XKR6: variants seen among roughly 807,000 people sequenced by gnomAD.
XKR6 encodes the protein XK-related protein 6.
XKR6 carries 22 observed loss-of-function variants against 56.7 expected under a neutral mutation model. The ratio of observed to expected loss-of-function variants is 0.39; its 90% CI spans 0.28 to 0.55. XKR6 has a LOEUF of 0.55. XKR6 is among the 20% of genes least tolerant of loss of function. XKR6 has a pLI of 0.66. For missense variants in XKR6, 852 were observed against 889.0 expected (o/e 0.96, Z 0.53); for synonymous variants, 524 against 387.8 (o/e 1.35, Z -4.13).
In XKR6 at chr8:11,200,709, A is replaced by T. The variant is rs1434677122; in HGVS notation, c.631T>A (p.Tyr211Asn). 6.3e-7 allele frequency: 1 copy of T among 1,586,100 alleles called. No individual in the cohort carries two copies. Among genetic ancestry groups the T allele is most frequent in the Non-Finnish European group, 8.5e-7 (1 of 1,171,264 alleles). ...SRGPPMMGAG[Y>N]VHGAARGGPG... ...CCACCGCGGGCCGCGCCGTGGACGT[A>T]GCCGGCCCCCATCATGGGGGGGCCC... The change falls in exon 1 of 3, where the codon TAC (tyrosine) becomes AAC (asparagine). Residue 211 changes from tyrosine to asparagine, a missense_variant. Coordinates refer to ENST00000416569, the MANE Select transcript of XKR6 (RefSeq NM_173683.4). This position sits in a 1 kb window ranked among gnomAD's most constrained non-coding sequence, Gnocchi z 6.4.
At chr8:11,047,184 C>G (rs1799431688) in intron 1 of XKR6, among the ~76,000 whole-genome samples, 1 of 152,114 alleles carries the variant, frequency 6.6e-6, no homozygotes, top group Non-Finnish European at 1.5e-5. Context: ...CGAGGGGAAG[C>G]TACACTAATT....
chr8:11,060,581 G>C (rs1043053492), intron 1 of XKR6, among the ~76,000 whole-genome samples: 1 of 152,178 alleles, frequency 6.6e-6, no homozygotes, highest in Non-Finnish European at 1.5e-5. Context: ...GCATACAAGG[G>C]ACTAAGAGGT....
At chr8:11,058,053 C>A (rs1799730891) in intron 1 of XKR6, among the ~76,000 whole-genome samples, 1 of 152,178 alleles carries the variant, frequency 6.6e-6, no homozygotes, top group South Asian at 2.1e-4. Context: ...TATTTTAGTC[C>A]CAGGATCTAT....
chr8:11,075,305 T>C (rs1280888915), intron 1 of XKR6, among the ~76,000 whole-genome samples: 1 of 152,326 alleles, frequency 6.6e-6, no homozygotes, highest in Admixed American at 6.5e-5. Context: ...CTTTGCTCAC[T>C]CTGCCCTCCG....
At chr8:10,903,439 G>A (rs777589284) in intron 2 of XKR6, among the ~76,000 whole-genome samples, 1 of 152,140 alleles carries the variant, frequency 6.6e-6, no homozygotes, top group African/African-American at 2.4e-5. Flanking sequence ...AACTTGGCAG[G>A]ATTCACTGAG....
chr8:11,030,899 G>T (rs921981416), intron 1 of XKR6, among the ~76,000 whole-genome samples: 3 of 152,150 alleles, frequency 2.0e-5, no homozygotes, highest in African/African-American at 4.8e-5. Context: ...AATAAATGTG[G>T]TATTTGTTAC....
chr8:11,189,399 T>A (rs1371139479), intron 1 of XKR6, among the ~76,000 whole-genome samples: 1 of 152,256 alleles, frequency 6.6e-6, no homozygotes, highest in Non-Finnish European at 1.5e-5. Context: ...ATGTTAAATG[T>A]CTTTCCTGCA....
chr8:10,898,717 C>T lies in XKR6; in HGVS notation c.1161G>A (p.Gly387=). 1 of 1,614,042 alleles carries T rather than the reference C, an allele frequency of 6.2e-7. No individual in the cohort carries two copies. Among genetic ancestry groups the T allele is most frequent in the South Asian group, 1.1e-5 (1 of 91,070 alleles). Residue 387 remains glycine (G), a synonymous_variant, in exon 3 of 3, where the codon GGG becomes GGA. Transcript: ENST00000416569. This position sits in a 1 kb window ranked among gnomAD's most constrained non-coding sequence, Gnocchi z 6.6. ...LFASIFQLYF[G]IFVVVHWCAM... is the part of the protein sequence containing the mutation. Reference sequence around the variant, plus strand: ...CGCACCAGTGAACCACCACGAAGATCCCAAAATAGAGCTGGAAGATGGAAG... The same window carrying T: ...CGCACCAGTGAACCACCACGAAGATTCCAAAATAGAGCTGGAAGATGGAAG...
rs555564955 is a variant in XKR6 at position 10,978,804 on chromosome 8, C to G, written c.765-53974G>C. Among the ~76,000 whole-genome samples the G allele has an allele frequency of 1.1e-4, 16 of 152,364 alleles. No individual in the cohort carries two copies. The South Asian group carries it at 1.7e-3, about 16-fold the overall frequency. ...CTCCTCCCCCCGTGCTGACGCACGG[C>G]CTTGTCCCATGTCATTCTTCTCCCT... On this transcript the variant is annotated intron_variant, in intron 1 of 2. Coordinates refer to ENST00000416569, the MANE Select transcript of XKR6 (RefSeq NM_173683.4).
intron 2 of XKR6, among the ~76,000 whole-genome samples, chr8:10,901,100 G>A (rs531542167): frequency 1.4e-5 from 2 of 145,068 alleles, no homozygotes; most frequent in Non-Finnish European, 3.0e-5. Context: ...CTGTCACCCA[G>A]GCTGGAGTGC....
intron 1 of XKR6, among the ~76,000 whole-genome samples, chr8:11,129,803 T>G (rs2116889798): frequency 6.6e-6 from 1 of 152,312 alleles, no homozygotes; most frequent in Admixed American, 6.5e-5. Flanking sequence ...CCAAGCCAAC[T>G]GTCTTTAAAG....
chr8:10,938,221 C>A (rs1290676767), intron 1 of XKR6, among the ~76,000 whole-genome samples: 1 of 152,332 alleles, frequency 6.6e-6, no homozygotes, highest in East Asian at 1.9e-4. Flanking sequence ...TGACCCCTTG[C>A]GCTTCCCAGG....
At chr8:11,089,510 G>A (rs1034954316) in intron 1 of XKR6, among the ~76,000 whole-genome samples, 3 of 152,144 alleles carry the variant, frequency 2.0e-5, no homozygotes, top group Non-Finnish European at 2.9e-5. Context: ...ATTGATGCAT[G>A]CTTATAGTCC....
chr8:11,119,261 C>T (rs372399355), intron 1 of XKR6, among the ~76,000 whole-genome samples: 2 of 152,130 alleles, frequency 1.3e-5, no homozygotes, highest in East Asian at 3.9e-4. Flanking sequence ...GGTGTGGTGT[C>T]GTGCTGAAAA....
chr8:10,975,254 C>T (rs933921847), intron 1 of XKR6, among the ~76,000 whole-genome samples: 1 of 152,212 alleles, frequency 6.6e-6, no homozygotes, highest in Non-Finnish European at 1.5e-5. Flanking sequence ...GTGTGGGTGG[C>T]ACCATCCCAG....
At chr8:10,944,752 A>C (rs1483721957) in intron 1 of XKR6, among the ~76,000 whole-genome samples, 4 of 152,160 alleles carry the variant, frequency 2.6e-5, no homozygotes, top group Non-Finnish European at 5.9e-5. Flanking sequence ...CCTAGAGCAG[A>C]GATGCCTTCT....
intron 1 of XKR6, among the ~76,000 whole-genome samples, chr8:11,050,856 A>G (rs999333933): frequency 3.4e-5 from 5 of 149,028 alleles, no homozygotes; most frequent in Admixed American, 6.7e-5. Flanking sequence ...GCTGCTCCCC[A>G]CTCCTCCCTG....
intron 1 of XKR6, among the ~76,000 whole-genome samples, chr8:11,188,209 A>G (rs1399584293): frequency 6.6e-6 from 1 of 152,198 alleles, no homozygotes; most frequent in Non-Finnish European, 1.5e-5. Context: ...ATCCAAAACC[A>G]GGTAACATGC....
chr8:11,020,762 G>A (rs1485936626), intron 1 of XKR6, among the ~76,000 whole-genome samples: 1 of 152,180 alleles, frequency 6.6e-6, no homozygotes, highest in Non-Finnish European at 1.5e-5. Flanking sequence ...TAAATTTTGA[G>A]ATCCTTACTG....
Sources: gnomAD v4.1 joint callset for allele counts (sites outside exome capture counted in the v4.1 genomes callset) on GRCh38, gnomAD v4.1.1 for gene constraint, Gnocchi (gnomAD v3.1) non-coding constraint, MANE v1.5 for transcripts, NCBI Gene and HGNC (gene_info 2026-07-23, HGNC 2026-07-21) for gene names.